LRP1B: variants seen among roughly 807,000 people sequenced by gnomAD.
LRP1B encodes LDL receptor related protein 1B, also known as low-density lipoprotein receptor-related protein 1B.
In LRP1B, 217 loss-of-function variants were observed where a neutral mutation model predicts 556.6. The observed-to-expected ratio is 0.39, with a 90% CI of 0.35 to 0.44. The LOEUF is 0.44. Among genes scored for constraint, LRP1B ranks in the 20% least tolerant of loss-of-function variants. The pLI, the probability that LRP1B is intolerant of heterozygous loss-of-function variation, is 1.00. For missense variants in LRP1B, 5,053 were observed against 5,620.8 expected (o/e 0.90, Z 3.23); for synonymous variants, 2,047 against 1,865.8 (o/e 1.10, Z -2.50).
intron 1 of LRP1B, among the ~76,000 whole-genome samples, chr2:142,118,509 T>C (rs1479068581): frequency 6.6e-6 from 1 of 152,176 alleles, no homozygotes; most frequent in Non-Finnish European, 1.5e-5. Flanking sequence ...TGACTTTAAC[T>C]GTGAGTGTGC....
chr2:140,849,371 C>CAA (rs1288492056), intron 29 of LRP1B, among the ~76,000 whole-genome samples: 3 of 107,920 alleles, frequency 2.8e-5, no homozygotes, highest in African/African-American at 1.2e-4. Context: ...GACTCTGTCT[C>CAA]AAAAAAAAAA....
At chr2:141,937,481 G>A (rs748355903) in intron 1 of LRP1B, among the ~76,000 whole-genome samples, 1 of 151,720 alleles carries the variant, frequency 6.6e-6, no homozygotes, top group Non-Finnish European at 1.5e-5. Flanking sequence ...CACTTCAAAT[G>A]TATGGATTGA....
chr2:141,869,130 A>C (rs1280203877), intron 1 of LRP1B, among the ~76,000 whole-genome samples: 1 of 152,118 alleles, frequency 6.6e-6, no homozygotes, highest in Non-Finnish European at 1.5e-5. Context: ...ATCCAATCCT[A>C]ATATTCTAGA....
At chr2:140,620,464 C>T (rs973253658) in intron 41 of LRP1B, among the ~76,000 whole-genome samples, 10 of 152,250 alleles carry the variant, frequency 6.6e-5, no homozygotes, top group African/African-American at 2.2e-4. Context: ...ATCCTCTTCG[C>T]CTAAATGTCA....
intron 41 of LRP1B, among the ~76,000 whole-genome samples, chr2:140,666,577 T>C (rs1685283709): frequency 1.3e-5 from 2 of 152,188 alleles, no homozygotes; most frequent in African/African-American, 4.8e-5. Flanking sequence ...AGGAAGATAT[T>C]TGTATGCCAA....
intron 29 of LRP1B, among the ~76,000 whole-genome samples, chr2:140,843,923 T>TA (rs1692196669): frequency 6.6e-6 from 1 of 152,196 alleles, no homozygotes; most frequent in African/African-American, 2.4e-5. Flanking sequence ...GCCTTCAACG[T>TA]AAATATTTTT....
At chr2:141,115,608 C>T (rs1168031897) in intron 7 of LRP1B, among the ~76,000 whole-genome samples, 1 of 148,100 alleles carries the variant, frequency 6.8e-6, no homozygotes, top group Non-Finnish European at 1.5e-5. Context: ...AGGCTCCCGC[C>T]ACCATGCCCG....
At chr2:140,536,747 A>G (rs911162297) in intron 45 of LRP1B, 38 bp from the exon 46 acceptor site, 1 of 1,534,830 alleles carries the variant, frequency 6.5e-7, no homozygotes. Flanking sequence ...CTTTTGTGCA[A>G]TGGCAAATAT....
intron 3 of LRP1B, among the ~76,000 whole-genome samples, chr2:141,320,075 C>T (rs1687181783): frequency 6.6e-6 from 1 of 151,916 alleles, no homozygotes; most frequent in Non-Finnish European, 1.5e-5. Flanking sequence ...CAGATGATGC[C>T]AATGTTTCTA....
intron 2 of LRP1B, among the ~76,000 whole-genome samples, chr2:141,735,203 C>T (rs1176806214): frequency 3.3e-5 from 5 of 151,378 alleles, no homozygotes; most frequent in Non-Finnish European, 7.4e-5. Context: ...AAGACAAAGC[C>T]AGACACAAAA....
intron 11 of LRP1B, among the ~76,000 whole-genome samples, chr2:141,043,886 C>A (rs1307193381): frequency 6.6e-6 from 1 of 151,838 alleles, no homozygotes; most frequent in African/African-American, 2.4e-5. Context: ...ATCAAGCTAC[C>A]AACGCCTTTC....
intron 1 of LRP1B, among the ~76,000 whole-genome samples, chr2:141,964,767 C>A (rs1017323941): frequency 6.6e-6 from 1 of 151,988 alleles, no homozygotes; most frequent in African/African-American, 2.4e-5. Flanking sequence ...AACTAAAGAG[C>A]TTCTACACAG....
chr2:141,873,589 C>G (rs867903758), intron 1 of LRP1B, among the ~76,000 whole-genome samples: 1 of 151,932 alleles, frequency 6.6e-6, no homozygotes, highest in South Asian at 2.1e-4. Context: ...CCACTACTCT[C>G]TATCCACTGA....
In LRP1B at chr2:142,028,173, G is replaced by T. The variant is rs948414962; in HGVS notation, c.82+102475C>A. On this transcript the variant is annotated intron_variant, in intron 1 of 90. Coordinates refer to ENST00000389484, the MANE Select transcript of LRP1B (RefSeq NM_018557.3). ...AGGAGCTGGAGAGAGGGGATATTTT[G>T]TTTGGTTTACTTTAAAAACAATTTA... Among the ~76,000 whole-genome samples the T allele has an allele frequency of 5.9e-5, 9 of 152,048 alleles. No individual in the cohort carries two copies. The Middle Eastern group carries it at 0.01, about 172-fold the overall frequency.
At chr2:140,903,994 C>T (rs1005430053) in intron 22 of LRP1B, among the ~76,000 whole-genome samples, 3 of 152,026 alleles carry the variant, frequency 2.0e-5, no homozygotes, top group Non-Finnish European at 4.4e-5. Context: ...TTTTAAATAG[C>T]ATTTAAATAT....
At chr2:141,753,921 C>G (rs1349317800) in intron 2 of LRP1B, among the ~76,000 whole-genome samples, 2 of 151,896 alleles carry the variant, frequency 1.3e-5, no homozygotes, top group Non-Finnish European at 2.9e-5. Context: ...ACCCTAATAC[C>G]CAGGAGTGTA....
intron 1 of LRP1B, among the ~76,000 whole-genome samples, chr2:142,097,302 G>A (rs896213838): frequency 1.3e-5 from 2 of 151,404 alleles, no homozygotes; most frequent in Non-Finnish European, 3.0e-5. Flanking sequence ...AAATAATATA[G>A]GTCCATGATT....
intron 6 of LRP1B, among the ~76,000 whole-genome samples, chr2:141,224,064 A>T (rs1212947864): frequency 5.9e-5 from 9 of 152,192 alleles, no homozygotes; most frequent in Non-Finnish European, 1.2e-4. Context: ...GCTTCTGCAC[A>T]GTAAAAGAAA....
intron 41 of LRP1B, among the ~76,000 whole-genome samples, chr2:140,686,113 G>A (rs1686042545): frequency 6.6e-6 from 1 of 152,118 alleles, no homozygotes; most frequent in South Asian, 2.1e-4. Flanking sequence ...TAAACATGTG[G>A]TTAAGAAAGA....
Sources: allele counts gnomAD v4.1 joint callset (sites outside exome capture counted in the v4.1 genomes callset), GRCh38; gene constraint gnomAD v4.1.1; transcripts MANE v1.5; gene names NCBI Gene and HGNC (gene_info 2026-07-23, HGNC 2026-07-21).